TMC2: variants seen among roughly 807,000 people sequenced by gnomAD.
TMC2 encodes transmembrane channel-like protein 2.
TMC2 carries 102 observed loss-of-function variants against 105.9 expected under a neutral mutation model. That is an observed-to-expected ratio of 0.96 (90% confidence interval 0.82 to 1.14). TMC2 has a LOEUF of 1.14. TMC2 is among the 50% of genes most tolerant of loss of function. The pLI is 0.00. For synonymous variants in TMC2, 402 were observed against 422.8 expected, an observed-to-expected ratio of 0.95 and a Z score of 0.60; for missense variants, 1,093 against 1,134.3, an observed-to-expected ratio of 0.96 and a Z score of 0.52.
Position 2,597,154 on chromosome 20 carries a change from G to A in TMC2, c.1080G>A (p.Met360Ile). The A allele has an allele frequency of 6.2e-7, 1 of 1,613,590 alleles. No individual in the cohort carries two copies. The highest frequency in any genetic ancestry group is 8.5e-7 in the Non-Finnish European group (1 of 1,179,882). The change falls in exon 10 of 20, where the codon ATG (methionine) becomes ATA (isoleucine). Residue 360 changes from methionine to isoleucine, a missense_variant. Met to Ile is a conservative substitution (Grantham distance 10). Transcript: ENST00000358864. ...GYSLIIVIRS[M>I]ASNTQGSTGE... ...AACAGTGCTGTGTGCCCTACAGGATGGCCAGCAATACCCAAGGAAGCACAG... is the reference window on the plus strand; with the variant it reads ...AACAGTGCTGTGTGCCCTACAGGATAGCCAGCAATACCCAAGGAAGCACAG...
chr20:2,609,731 G>A (rs1050022221), intron 11 of TMC2, among the ~76,000 whole-genome samples: 11 of 152,188 alleles, frequency 7.2e-5, no homozygotes, highest in Non-Finnish European at 1.3e-4. Flanking sequence ...GAGATGATGA[G>A]AAACCAAGCC....
chr20:2,552,510 A>C (rs1270371279), intron 2 of TMC2, among the ~76,000 whole-genome samples: 1 of 152,050 alleles, frequency 6.6e-6, no homozygotes, highest in Non-Finnish European at 1.5e-5. Context: ...ATTTATATAT[A>C]AGTTTCATTT....
intron 16 of TMC2, among the ~76,000 whole-genome samples, chr20:2,622,839 A>G (rs2086535268): frequency 6.6e-6 from 1 of 152,200 alleles, no homozygotes; most frequent in African/African-American, 2.4e-5. Flanking sequence ...TAACAGCACT[A>G]CACTCAATGT....
chr20:2,633,056 T>C (rs186822119), intron 17 of TMC2, among the ~76,000 whole-genome samples: 1 of 152,356 alleles, frequency 6.6e-6, no homozygotes, highest in East Asian at 1.9e-4. Flanking sequence ...TTATGTAAAG[T>C]CTGTTTTCTT....
At chr20:2,622,705 A>C (rs1382447914) in intron 16 of TMC2, among the ~76,000 whole-genome samples, 2 of 150,426 alleles carry the variant, frequency 1.3e-5, no homozygotes, top group African/African-American at 4.9e-5. Context: ...GAAAGAAAAG[A>C]AAAGAAAGAA....
At chr20:2,547,524 C>T (rs1303827177) in intron 2 of TMC2, among the ~76,000 whole-genome samples, 2 of 152,206 alleles carry the variant, frequency 1.3e-5, no homozygotes, top group Admixed American at 1.3e-4. Context: ...AACAATGTAT[C>T]AAATAATCCT....
At chr20:2,584,323 G>A (rs6083756) in intron 7 of TMC2, among the ~76,000 whole-genome samples, 77,365 of 135,816 alleles carry the variant, frequency 0.57, 22,903 homozygotes, top group South Asian at 0.66. Context: ...GGGTGCCTGT[G>A]GTCCCAGCTA....
chr20:2,597,123 C>A (rs759679947), intron 9 of TMC2, 28 bp from the exon 10 acceptor site: 2 of 1,607,912 alleles, frequency 1.2e-6, no homozygotes, highest in African/African-American at 1.3e-5. Flanking sequence ...AGAGGGCAGA[C>A]GTCACAACAG....
chr20:2,617,134 T>C lies in TMC2; in HGVS notation c.2003T>C (p.Met668Thr), dbSNP rs778614199. The change falls in exon 16 of 20, where the codon ATG becomes ACG. Residue 668 changes from methionine to threonine, a missense_variant. Physicochemically the swap from Met to Thr is moderately conservative, Grantham distance 81. Transcript: ENST00000358864. ...GINVLRLLTS[M>T]YFQCWAVMSS... Reference sequence around the variant, plus strand: ...AATGTGCTGCGCCTGCTGACCTCCATGTACTTCCAGTGCTGGGCGGTGATG... The same window carrying C: ...AATGTGCTGCGCCTGCTGACCTCCACGTACTTCCAGTGCTGGGCGGTGATG... The C allele has an allele frequency of 6.2e-7, 1 of 1,614,162 alleles. No homozygotes were observed. Among genetic ancestry groups the C allele is most frequent in the Non-Finnish European group, 8.5e-7 (1 of 1,180,030 alleles).
chr20:2,584,260 C>CA (rs1568514122), intron 7 of TMC2, among the ~76,000 whole-genome samples: 1 of 151,068 alleles, frequency 6.6e-6, no homozygotes, highest in African/African-American at 2.5e-5. Flanking sequence ...CCGGCTAACA[C>CA]GGTGAAACCC....
chr20:2,636,490 A>ACACG (rs1568532787), intron 18 of TMC2, among the ~76,000 whole-genome samples: 2 of 151,076 alleles, frequency 1.3e-5, no homozygotes, highest in Non-Finnish European at 3.0e-5. Flanking sequence ...ACACACACAC[A>ACACG]CACGCACACA....
At chr20:2,567,477 T>A (rs1460290896) in intron 4 of TMC2, among the ~76,000 whole-genome samples, 3 of 152,198 alleles carry the variant, frequency 2.0e-5, no homozygotes, top group African/African-American at 4.8e-5. Flanking sequence ...GACCTCAAAC[T>A]AAATGACAAA....
intron 10 of TMC2, 79 bp downstream of exon 10, chr20:2,597,377 C>T: frequency 7.0e-7 from 1 of 1,431,330 alleles, no homozygotes. Flanking sequence ...CCAGCTGGGA[C>T]ATAGAAAATA....
chr20:2,612,476 G>A, intron 13 of TMC2, 136 bp downstream of exon 13: 1 of 872,710 alleles, frequency 1.1e-6, no homozygotes, highest in Non-Finnish European at 1.6e-6. Flanking sequence ...AATCATCTAG[G>A]AGGAAATAAA....
chr20:2,603,941 G>A (rs1032736046), intron 11 of TMC2, among the ~76,000 whole-genome samples: 3 of 152,188 alleles, frequency 2.0e-5, no homozygotes, highest in African/African-American at 7.2e-5. Context: ...AGCAGTTCTT[G>A]AATTCCTGAT....
rs777603791 is a variant in TMC2, at chr20:2,561,923, T to A, written c.467T>A (p.Ile156Asn). The change falls in exon 4 of 20, where the codon ATC (isoleucine) becomes AAC (asparagine). Residue 156 changes from isoleucine (I) to asparagine (N), a missense_variant. Transcript: ENST00000358864. ...CTGTCCGAGGAGGAACTGGCCCAGA[T>A]CCTGGAGCAGGTGGAAGAAAAAAAG... ...ESLSEEELAQ[I>N]LEQVEEKKKL... is the part of the protein sequence containing the mutation. 4.3e-6 allele frequency: 7 copies of A among 1,614,086 alleles called. No individual in the cohort carries two copies. The highest frequency in any genetic ancestry group is 5.9e-6 in the Non-Finnish European group (7 of 1,180,038).
At chr20:2,574,069 G>A (rs1410403100) in intron 5 of TMC2, among the ~76,000 whole-genome samples, 1 of 152,102 alleles carries the variant, frequency 6.6e-6, no homozygotes, top group Non-Finnish European at 1.5e-5. Context: ...TAAGCTGATG[G>A]GAGTTGATGG....
intron 4 of TMC2, among the ~76,000 whole-genome samples, chr20:2,563,965 C>A (rs1439066516): frequency 6.6e-6 from 1 of 151,988 alleles, no homozygotes; most frequent in Non-Finnish European, 1.5e-5. Context: ...TGGACTCAAG[C>A]GATCCTCCCA....
chr20:2,641,253 C>T lies in TMC2; in HGVS notation c.2623C>T (p.Arg875Trp), dbSNP rs373533560. The change falls in exon 20 of 20, where the codon CGG (arginine) becomes TGG (tryptophan). Residue 875 changes from arginine (R) to tryptophan (W), a missense_variant. Coordinates refer to ENST00000358864, the MANE Select transcript of TMC2 (RefSeq NM_080751.3). ...TGCCTCTGGACACCTTCCTATATCT[C>T]GGCCCCCTGGAATCGGACCAGATTC... Reference protein sequence around the residue: ...LPASGHLPISRPPGIGPDSGH... With the variant: ...LPASGHLPISWPPGIGPDSGH... 165 of 1,614,032 alleles carry T rather than the reference C, an allele frequency of 1.0e-4. No homozygotes were observed. Among genetic ancestry groups the T allele is most frequent in the Non-Finnish European group, 1.3e-4 (152 of 1,180,016 alleles).
Sources: gnomAD v4.1 joint callset for allele counts (sites outside exome capture counted in the v4.1 genomes callset) on GRCh38, gnomAD v4.1.1 for gene constraint, MANE v1.5 for transcripts, NCBI Gene and HGNC (gene_info 2026-07-23, HGNC 2026-07-21) for gene names.